Variants in HSPG2 observed in about 807,000 individuals in gnomAD.
The protein encoded by HSPG2 is basement membrane-specific heparan sulfate proteoglycan core protein.
Under a neutral mutation model 526.6 loss-of-function variants are expected in HSPG2, and 278 were observed. That is an observed-to-expected ratio of 0.53 (90% confidence interval 0.48 to 0.58). The LOEUF is 0.58. HSPG2 is among the 20% of genes least tolerant of loss of function. HSPG2 has a pLI of 0.00. For synonymous variants in HSPG2, 2,465 were observed against 2,555.4 expected, an observed-to-expected ratio of 0.96 and a Z score of 1.07; for missense variants, 5,354 against 6,099.5, an observed-to-expected ratio of 0.88 and a Z score of 4.07.
rs139033413 is a variant in HSPG2, at chr1:21,832,533, G to A, written c.11169C>T (p.Phe3723=). 311 of 1,614,216 alleles carry A rather than the reference G, an allele frequency of 1.9e-4. No homozygotes were observed. In the African/African-American group the frequency reaches 3.8e-3, roughly 19 times the overall value. ...TTCCCCCCACGAGGCCGAAGGAGATGAAGTCGGGCTGCCGGTTGGCCAGGT... is the reference window on the plus strand; with the variant it reads ...TTCCCCCCACGAGGCCGAAGGAGATAAAGTCGGGCTGCCGGTTGGCCAGGT... ...PTNLANRQPD[F]ISFGLVGGRP... The change falls in exon 81 of 97, where the codon TTC becomes TTT. Residue 3723 remains phenylalanine, a synonymous_variant. Coordinates refer to ENST00000374695, the MANE Select transcript of HSPG2 (RefSeq NM_005529.7).
intron 44 of HSPG2, among the ~76,000 whole-genome samples, chr1:21,856,256 G>A (rs1428448797): frequency 6.6e-6 from 1 of 152,058 alleles, no homozygotes; most frequent in African/African-American, 2.4e-5. Context: ...CCTGCCTCAG[G>A]GCCTTGCCAT....
intron 80 of HSPG2, chr1:21,833,037 G>A (rs1453223807): frequency 1.7e-6 from 1 of 600,636 alleles, no homozygotes; most frequent in Non-Finnish European, 3.0e-6. Flanking sequence ...CGGTGGCAGA[G>A]GAGCCACGAG....
intron 25 of HSPG2, 30 bp downstream of exon 25, chr1:21,875,599 T>C (rs778685782): frequency 6.4e-7 from 1 of 1,560,686 alleles, no homozygotes; most frequent in East Asian, 2.2e-5. Context: ...CCCAAGCCCA[T>C]GCTGGTCCTC....
chr1:21,903,081 A>T (rs902167479), intron 1 of HSPG2, among the ~76,000 whole-genome samples: 1 of 152,172 alleles, frequency 6.6e-6, no homozygotes, highest in Non-Finnish European at 1.5e-5. Context: ...AAATTAACCC[A>T]CCTGACAGAA....
Position 21,866,709 on chromosome 1 carries a change from C to T in HSPG2, c.4222-900G>A, listed in dbSNP as rs12407706. Among the ~76,000 whole-genome samples the T allele has an allele frequency of 1.1e-3, 163 of 152,156 alleles. 1 individual carries two copies. The Middle Eastern group carries it at 0.014, about 13-fold the overall frequency. The stretch of plus-strand genomic sequence containing the variant: ...GACCTTCACGTGGACAGCTGAGGCT[C>T]CCCAGCTCTGTCCCACAGGACTTTG... On this transcript the variant is annotated intron_variant, in intron 33 of 96. Coordinates refer to ENST00000374695, the MANE Select transcript of HSPG2 (RefSeq NM_005529.7).
At chr1:21,877,789 C>T (rs1383936025) in intron 21 of HSPG2, among the ~76,000 whole-genome samples, 2 of 152,184 alleles carry the variant, frequency 1.3e-5, no homozygotes, top group African/African-American at 2.4e-5. Flanking sequence ...TGAGCCACTG[C>T]GCCCGGCCGA....
Position 21,908,100 on chromosome 1 carries a change from G to T in HSPG2, c.64-11790C>A. On this transcript the variant is annotated intron_variant, in intron 1 of 96. Transcript: ENST00000374695. ...CCATCTTCCAGTAATTCGCCAAAAT[G>T]ACGAACACAAAGGGAAAGAGGAGAG... 3 of 796,926 alleles carry T rather than the reference G, an allele frequency of 3.8e-6. No individual in the cohort carries two copies. In the Admixed American group the frequency reaches 5.1e-5, roughly 14 times the overall value. 49.4% of individuals were successfully genotyped at this position (796,926 alleles called of 1,614,324 possible). A position where few individuals can be genotyped will look rare whatever the true frequency, so the allele number is the denominator to read the frequency against.
At position 21,831,286 on chromosome 1, in the gene HSPG2, C is replaced by T. The variant is rs756266826; in HGVS notation, c.11491G>A (p.Val3831Ile). 1.7e-5 allele frequency: 28 copies of T among 1,613,928 alleles called. No homozygotes were observed. Among genetic ancestry groups the T allele is most frequent in the South Asian group, 1.5e-4 (14 of 91,094 alleles). Residue 3831 changes from valine (V) to isoleucine (I), a missense_variant, in exon 84 of 97, where the codon GTC becomes ATC. Coordinates refer to ENST00000374695, the MANE Select transcript of HSPG2 (RefSeq NM_005529.7). ...RELRIQGEEI[V>I]FHDLNLTAHG... Reference sequence around the variant, plus strand: ...GCCGTGAGGTTGAGGTCATGGAAGACGATCTCCTCGCCCTGGATGCGCAGC... The same window carrying T: ...GCCGTGAGGTTGAGGTCATGGAAGATGATCTCCTCGCCCTGGATGCGCAGC...
intron 33 of HSPG2, among the ~76,000 whole-genome samples, chr1:21,866,128 G>A (rs1341535741): frequency 6.6e-6 from 1 of 152,164 alleles, no homozygotes; most frequent in African/African-American, 2.4e-5. Flanking sequence ...TTCCCATAAG[G>A]CAGACAAGTG....
rs1364602980 is a variant in HSPG2 at position 21,834,681 on chromosome 1, T to C, written c.10718A>G (p.Gln3573Arg). 1 of 1,613,980 alleles carries C rather than the reference T, an allele frequency of 6.2e-7. No homozygotes were observed. The highest frequency in any genetic ancestry group is 8.5e-7 in the Non-Finnish European group (1 of 1,180,024). The stretch of plus-strand genomic sequence containing the variant: ...CAAAAGTCCCCACTGGCCTTCACCT[T>C]GCACAAGCAGCAGGACGTGGGATTG... ...TTQSHVLLLV[Q>R]ALPQISMPQE... The change falls in exon 77 of 97, where the codon CAA becomes CGA. Residue 3573 changes from glutamine (Q) to arginine (R), a missense_variant and splice_region_variant. Transcript: ENST00000374695.
chr1:21,824,486 C>A lies in HSPG2; in HGVS notation c.12744+51G>T. The A allele has an allele frequency of 1.2e-6, 2 of 1,603,592 alleles. No homozygotes were observed. Among genetic ancestry groups the A allele is most frequent in the Non-Finnish European group, 1.7e-6 (2 of 1,172,568 alleles). ...CCCACCACTCCGGCCACCAGGAAGCCAGCTTCCTGCCCCAGGAGCCCCAAG... is the reference window on the plus strand; with the variant it reads ...CCCACCACTCCGGCCACCAGGAAGCAAGCTTCCTGCCCCAGGAGCCCCAAG... On this transcript the variant is annotated intron_variant, in intron 93 of 96. Transcript: ENST00000374695. The surrounding 1 kb of genome is among the most constrained non-coding windows in gnomAD (Gnocchi z 5.9).
Position 21,834,691 on chromosome 1 carries a change from G to A in HSPG2, c.10708C>T (p.Leu3570=), listed in dbSNP as rs927747793. 4 of 1,614,060 alleles carry A rather than the reference G, an allele frequency of 2.5e-6. No individual in the cohort carries two copies. Among genetic ancestry groups the A allele is most frequent in the Non-Finnish European group, 2.5e-6 (3 of 1,180,050 alleles). ...CACTGGCCTTCACCTTGCACAAGCAGCAGGACGTGGGATTGTGTGGTGCCA... is the reference window on the plus strand; with the variant it reads ...CACTGGCCTTCACCTTGCACAAGCAACAGGACGTGGGATTGTGTGGTGCCA... ...AAGTTQSHVL[L]LVQALPQISM... is the part of the protein sequence containing the mutation. Residue 3570 remains leucine (L), a synonymous_variant, in exon 77 of 97, where the codon CTG becomes TTG. Coordinates refer to ENST00000374695, the MANE Select transcript of HSPG2 (RefSeq NM_005529.7).
intron 33 of HSPG2, among the ~76,000 whole-genome samples, chr1:21,866,386 A>G (rs1392587497): frequency 6.6e-6 from 1 of 152,202 alleles, no homozygotes; most frequent in African/African-American, 2.4e-5. Flanking sequence ...GACATGAGCC[A>G]GGCCTGGCCA....
chr1:21,901,782 A>G (rs1027764594), intron 1 of HSPG2, among the ~76,000 whole-genome samples: 4 of 152,098 alleles, frequency 2.6e-5, no homozygotes, highest in Admixed American at 2.6e-4. Context: ...GAGACAGTGC[A>G]GGGGCGGGGG....
Position 21,876,526 on chromosome 1 carries a change from A to G in HSPG2, c.2812T>C (p.Trp938Arg). 6.2e-7 allele frequency: 1 copy of G among 1,614,200 alleles called. No individual in the cohort carries two copies. Among genetic ancestry groups the G allele is most frequent in the Non-Finnish European group, 8.5e-7 (1 of 1,180,026 alleles). Residue 938 changes from tryptophan to arginine, a missense_variant, in exon 22 of 97, where the codon TGG becomes CGG. Physicochemically the swap from Trp to Arg is moderately radical, Grantham distance 101. Coordinates refer to ENST00000374695, the MANE Select transcript of HSPG2 (RefSeq NM_005529.7). The part of the protein sequence containing the change: ...GVSRHCTSSS[W>R]SRAQLHGASE... ...TGCAGAGGTACCTGGGCACGGCTCC[A>G]TGAAGAGCTGGTGCAGTGGCGACTG...
chr1:21,865,524 C>G lies in HSPG2; in HGVS notation c.4315-159G>C, dbSNP rs1640158031. Among the ~76,000 whole-genome samples, 1 of 152,204 alleles carries G rather than the reference C, an allele frequency of 6.6e-6. No individual in the cohort carries two copies. The highest frequency in any genetic ancestry group is 2.1e-4 in the South Asian group (1 of 4,834). On this transcript the variant is annotated intron_variant, in intron 34 of 96. Coordinates refer to ENST00000374695, the MANE Select transcript of HSPG2 (RefSeq NM_005529.7). This position sits in a 1 kb window ranked among gnomAD's most constrained non-coding sequence, Gnocchi z 5.4. The stretch of plus-strand genomic sequence containing the variant: ...GGAGTCAGGCACATGCCCACTGCCC[C>G]CTTCTCCCAGCAGCAGGATCCTCTG...
At chr1:21,855,493 C>T (rs1166379233) in intron 46 of HSPG2, 30 bp downstream of exon 46, 3 of 1,611,760 alleles carry the variant, frequency 1.9e-6, no homozygotes, top group Non-Finnish European at 2.5e-6. Flanking sequence ...GAGCACACTC[C>T]CGGCCCCCAC....
In HSPG2 at chr1:21,854,640, G is replaced by T; in HGVS notation, c.6259C>A (p.Arg2087=). The change falls in exon 49 of 97, where the codon CGA becomes AGA. Residue 2087 remains arginine (R), a synonymous_variant. Coordinates refer to ENST00000374695, the MANE Select transcript of HSPG2 (RefSeq NM_005529.7). The part of the protein sequence containing the change: ...SAHAQVTWYR[R]GGSLPPHTQV... Reference sequence around the variant, plus strand: ...GTGTGGGGAGGCAGGCTACCCCCTCGCCTGTACCAGGTGACCTGGGCATGG... The same window carrying T: ...GTGTGGGGAGGCAGGCTACCCCCTCTCCTGTACCAGGTGACCTGGGCATGG... The T allele has an allele frequency of 6.3e-7, 1 of 1,584,540 alleles. No homozygotes were observed. Among genetic ancestry groups the T allele is most frequent in the Admixed American group, 1.8e-5 (1 of 55,866 alleles).
Position 21,873,574 on chromosome 1 carries a change from A to G in HSPG2, c.3744-150T>C, listed in dbSNP as rs2247741. The stretch of plus-strand genomic sequence containing the variant: ...CCCATGTTACGGGGAAACTGGGCAG[A>G]GAAGAGCAGGGACGTGCCCTGGACC... On this transcript the variant is annotated intron_variant, in intron 29 of 96. Transcript: ENST00000374695. 485,953 of 823,260 alleles carry G rather than the reference A, an allele frequency of 0.59. 154,751 individuals are homozygous for G. Among genetic ancestry groups the G allele is most frequent in the Non-Finnish European group, 0.68 (330,305 of 487,086 alleles). 51.0% of individuals were successfully genotyped at this position (823,260 alleles called of 1,614,324 possible).
Sources: allele counts gnomAD v4.1 joint callset (sites outside exome capture counted in the v4.1 genomes callset), GRCh38; gene constraint gnomAD v4.1.1; non-coding constraint Gnocchi (gnomAD v3.1); transcripts MANE v1.5; gene names NCBI Gene and HGNC (gene_info 2026-07-23, HGNC 2026-07-21).